CEP290: variants seen among roughly 807,000 people sequenced by gnomAD.
CEP290 encodes the protein centrosomal protein 290, also known as centrosomal protein of 290 kDa.
A neutral mutation model predicts 344.9 loss-of-function variants in CEP290; 317 were observed. The observed-to-expected ratio is 0.92, with a 90% confidence interval of 0.84 to 1.01. CEP290 has a LOEUF of 1.01. Among genes scored for constraint, CEP290 ranks in the 50% least tolerant of loss-of-function variants. The pLI is 0.00. For synonymous variants in CEP290, 932 were observed against 895.8 expected, an observed-to-expected ratio of 1.04 and a Z score of -0.72; for missense variants, 2,754 against 2,761.4, an observed-to-expected ratio of 1.00 and a Z score of 0.06.
chr12:88,126,553 T>C (rs980055207), intron 11 of CEP290, 115 bp from the exon 12 acceptor site: 15 of 702,168 alleles, frequency 2.1e-5, no homozygotes, highest in African/African-American at 5.7e-5. Context: ...ATAAAAATTA[T>C]TTGAAATGAG....
At position 88,107,014 on chromosome 12, in the gene CEP290, T is replaced by C. The variant is rs775965379; in HGVS notation, c.2568A>G (p.Ile856Met). 18 of 1,550,274 alleles carry C rather than the reference T, an allele frequency of 1.2e-5. No homozygotes were observed. Among genetic ancestry groups the C allele is most frequent in the Non-Finnish European group, 1.6e-5 (18 of 1,147,786 alleles). The change falls in exon 24 of 54, where the codon ATA becomes ATG. Residue 856 changes from isoleucine (I) to methionine (M), a missense_variant. Ile to Met is a conservative substitution (Grantham distance 10, BLOSUM62 1). Coordinates refer to ENST00000552810, the MANE Select transcript of CEP290 (RefSeq NM_025114.4). ...KLEDQVQQDA[I>M]KVKEYNNLLN... ...TACTTACATTATATTCTTTTACTTT[T>C]ATAGCATCTTGTTGGACTTGATCCT...
intron 44 of CEP290, among the ~76,000 whole-genome samples, chr12:88,065,852 A>G (rs1464462192): frequency 6.6e-6 from 1 of 152,192 alleles, no homozygotes; most frequent in Non-Finnish European, 1.5e-5. Flanking sequence ...ATTCGTTGAG[A>G]TAGTCCAAAT....
In CEP290 at chr12:88,096,895, A is replaced by G. The variant is rs1189583063; in HGVS notation, c.3096T>C (p.Thr1032=). Residue 1032 remains threonine, a synonymous_variant, in exon 27 of 54, where the codon ACT becomes ACC. Transcript: ENST00000552810. The part of the protein sequence containing the change: ...HTIEQAWEQE[T]KLGNESSMDK... ...CAGAGTCATAAAACTTACCTAATTT[A>G]GTTTCCTGTTCCCAGGCTTGTTCAA... 1.3e-6 allele frequency: 2 copies of G among 1,509,226 alleles called. No individual in the cohort carries two copies. Among genetic ancestry groups the G allele is most frequent in the East Asian group, 2.3e-5 (1 of 42,912 alleles). The allele number at this position is 1,509,226 out of a possible 1,614,324, so 93.5% of individuals were successfully genotyped here.
At chr12:88,084,995 AAG>A (rs1290414305) in intron 34 of CEP290, 143 bp from the exon 35 acceptor site, 2 of 616,306 alleles carry the variant, frequency 3.2e-6, no homozygotes, top group Admixed American at 7.3e-5. Flanking sequence ...GATACTTAAT[AAG>A]GTTAAACTGA....
At position 88,084,782 on chromosome 12, in the gene CEP290, T is replaced by C; in HGVS notation, c.4508A>G (p.Asn1503Ser). 2 of 1,613,276 alleles carry C rather than the reference T, an allele frequency of 1.2e-6. No individual in the cohort carries two copies. The highest frequency in any genetic ancestry group is 1.7e-6 in the Non-Finnish European group (2 of 1,179,592). Residue 1503 changes from asparagine to serine, a missense_variant, in exon 35 of 54, where the codon AAT (asparagine) becomes AGT (serine). By Grantham distance (46) the Asn-to-Ser change is conservative. Transcript: ENST00000552810. ...GGCAGGCAATCGAAGCCTCAGTTCA[T>C]TGATTACTTTGTCTCTTGACAGTAT... is the stretch of plus-strand genomic sequence containing the variant. Reference protein sequence around the residue: ...QNILSRDKVINELRLRLPATA... With the variant: ...QNILSRDKVISELRLRLPATA...
chr12:88,094,203 A>T (rs1006916026), intron 27 of CEP290, among the ~76,000 whole-genome samples: 5 of 147,102 alleles, frequency 3.4e-5, no homozygotes, highest in African/African-American at 7.5e-5. Flanking sequence ...TCAAATGATT[A>T]AAAAAAAAAA....
chr12:88,079,213 AG>A lies in CEP290; in HGVS notation c.5242del (p.Leu1748PhefsTer2). On this transcript the variant is annotated frameshift_variant, in exon 39 of 54. Transcript: ENST00000552810. LOFTEE classifies it high-confidence loss of function. ...TGTCATTTCTGCCCGGAGTTCTAAA[AG>A]TGCCCGACTAAGTGCCTAAAAATTA... ...EKQQKALSRA[L>X]LELRAEMTAA... 1 of 1,590,728 alleles carries A rather than the reference AG, an allele frequency of 6.3e-7. No individual in the cohort carries two copies. The highest frequency in any genetic ancestry group is 8.5e-7 in the Non-Finnish European group (1 of 1,172,772).
intron 29 of CEP290, among the ~76,000 whole-genome samples, chr12:88,092,464 A>C (rs2037124238): frequency 6.6e-6 from 1 of 152,164 alleles, no homozygotes; most frequent in Non-Finnish European, 1.5e-5. Flanking sequence ...AAAAAATGCA[A>C]ATCTTGAGAG....
chr12:88,093,727 T>C lies in CEP290; in HGVS notation c.3309+43A>G, dbSNP rs570549921. 1.7e-5 allele frequency: 24 copies of C among 1,429,228 alleles called. No homozygotes were observed. The African/African-American group carries it at 3.4e-4, about 20-fold the overall frequency. 88.5% of individuals were successfully genotyped at this position (1,429,228 alleles called of 1,614,324 possible). A position where few individuals can be genotyped will look rare whatever the true frequency, so the allele number is the denominator to read the frequency against. ...ATAATACAATGTCTACCAAAACTAA[T>C]TCTTTATTCTATAATTGTATGATAA... On this transcript the variant is annotated intron_variant, in intron 28 of 53. Transcript: ENST00000552810.
Position 88,084,703 on chromosome 12 carries a change from T to C in CEP290, c.4587A>G (p.Pro1529=), listed in dbSNP as rs773292508. 1 of 1,613,838 alleles carries C rather than the reference T, an allele frequency of 6.2e-7. No individual in the cohort carries two copies. Among genetic ancestry groups the C allele is most frequent in the South Asian group, 1.1e-5 (1 of 91,076 alleles). ...IAELGRKEME[P]KSHHTLKIAH... is the part of the protein sequence containing the mutation. Reference sequence around the variant, plus strand: ...CAATTTTCAATGTGTGGTGAGATTTTGGTTCCATCTCTTTTCTGCCTAGCT... The same window carrying C: ...CAATTTTCAATGTGTGGTGAGATTTCGGTTCCATCTCTTTTCTGCCTAGCT... Residue 1529 remains proline, a synonymous_variant, in exon 35 of 54, where the codon CCA becomes CCG. Coordinates refer to ENST00000552810, the MANE Select transcript of CEP290 (RefSeq NM_025114.4).
chr12:88,087,999 T>C lies in CEP290; in HGVS notation c.4030-55A>G, dbSNP rs969875939. On this transcript the variant is annotated intron_variant, in intron 31 of 53. Coordinates refer to ENST00000552810, the MANE Select transcript of CEP290 (RefSeq NM_025114.4). ...TAAATGCTATATTAACAAATAACAT[T>C]CCTCCATTGATGATAATGATTTTAA... is the stretch of plus-strand genomic sequence containing the variant. 5 of 669,838 alleles carry C rather than the reference T, an allele frequency of 7.5e-6. No individual in the cohort carries two copies. In the African/African-American group the frequency reaches 9.4e-5, roughly 13 times the overall value. The allele number at this position is 669,838 out of a possible 1,614,324, so 41.5% of individuals were successfully genotyped here. A position where few individuals can be genotyped will look rare whatever the true frequency, so the allele number is the denominator to read the frequency against.
chr12:88,061,098 G>C, intron 46 of CEP290, 104 bp from the exon 47 acceptor site: 1 of 789,870 alleles, frequency 1.3e-6, no homozygotes, highest in African/African-American at 1.8e-5. Flanking sequence ...CCTAATATTT[G>C]AAGTCAAAAC....
In CEP290 at chr12:88,057,022, T is replaced by A. The variant is rs565439892; in HGVS notation, c.6819-1305A>T. 1.2e-4 allele frequency among the ~76,000 whole-genome samples: 18 copies of A among 152,322 alleles called. No homozygotes were observed. The South Asian group carries it at 3.5e-3, about 30-fold the overall frequency. On this transcript the variant is annotated intron_variant, in intron 49 of 53. Transcript: ENST00000552810. ...CAAATGATTTACTGAAGGCTTATGGTATGCTCAGTGACCTGTATCGTTCTC... is the reference window on the plus strand; with the variant it reads ...CAAATGATTTACTGAAGGCTTATGGAATGCTCAGTGACCTGTATCGTTCTC...
rs1266043588 is a variant in CEP290, at chr12:88,059,027, T to C, written c.6646-7A>G. On this transcript the variant is annotated splice_polypyrimidine_tract_variant and splice_region_variant and intron_variant, in intron 48 of 53. Coordinates refer to ENST00000552810, the MANE Select transcript of CEP290 (RefSeq NM_025114.4). ...TCTCTGCAGCATCAGTTTCCTATCATTAAATGCTAATTAGTATTTTATGAG... is the reference window on the plus strand; with the variant it reads ...TCTCTGCAGCATCAGTTTCCTATCACTAAATGCTAATTAGTATTTTATGAG... The C allele has an allele frequency of 3.1e-6, 5 of 1,599,470 alleles. No homozygotes were observed. Among genetic ancestry groups the C allele is most frequent in the African/African-American group, 1.3e-5 (1 of 74,382 alleles).
intron 53 of CEP290, 152 bp downstream of exon 53, chr12:88,050,202 T>G (rs2033358541): frequency 1.8e-6 from 1 of 547,006 alleles, no homozygotes. Flanking sequence ...ATGTTAGGAA[T>G]AGTCAGATGA....
At chr12:88,101,797 G>C (rs541624886) in intron 26 of CEP290, among the ~76,000 whole-genome samples, 135 of 152,250 alleles carry the variant, frequency 8.9e-4, no homozygotes, top group Admixed American at 2.3e-3. Flanking sequence ...GGATAGGACA[G>C]AGGACATGGA....
chr12:88,116,783 G>A (rs2039066272), intron 18 of CEP290, among the ~76,000 whole-genome samples: 2 of 151,808 alleles, frequency 1.3e-5, no homozygotes, highest in South Asian at 4.2e-4. Context: ...GACCATCCCG[G>A]CTAAAACGGT....
At position 88,071,944 on chromosome 12, in the gene CEP290, G is replaced by C. The variant is rs751852207; in HGVS notation, c.5710-18C>G. ...TTAGCATTCTGTAACAATAACGAAGGAGGTAGGAAAATTACCAGTGTTATT... is the reference window on the plus strand; with the variant it reads ...TTAGCATTCTGTAACAATAACGAAGCAGGTAGGAAAATTACCAGTGTTATT... On this transcript the variant is annotated intron_variant, in intron 41 of 53. Transcript: ENST00000552810. 1.9e-6 allele frequency: 3 copies of C among 1,551,262 alleles called. No homozygotes were observed. The highest frequency in any genetic ancestry group is 2.6e-6 in the Non-Finnish European group (3 of 1,155,610).
In CEP290 at chr12:88,126,418, A is replaced by C. The variant is rs774072453; in HGVS notation, c.963T>G (p.Asp321Glu). 4 of 1,509,278 alleles carry C rather than the reference A, an allele frequency of 2.7e-6. No individual in the cohort carries two copies. The East Asian group carries it at 7.9e-5, about 30-fold the overall frequency. The allele number at this position is 1,509,278 out of a possible 1,614,324, so 93.5% of individuals were successfully genotyped here. Residue 321 changes from aspartate to glutamate, a missense_variant, in exon 12 of 54, where the codon GAT (aspartate) becomes GAG (glutamate). Transcript: ENST00000552810. The part of the protein sequence containing the change: ...EEWKLILSSK[D>E]DEIIEYQQML... Reference sequence around the variant, plus strand: ...TTTGCTGATACTCAATAATTTCATCATCTTTAGAAGACAAAATTAGCTAGA... The same window carrying C: ...TTTGCTGATACTCAATAATTTCATCCTCTTTAGAAGACAAAATTAGCTAGA...
Sources: allele counts gnomAD v4.1 joint callset (sites outside exome capture counted in the v4.1 genomes callset), GRCh38; gene constraint gnomAD v4.1.1; transcripts MANE v1.5; gene names NCBI Gene and HGNC (gene_info 2026-07-23, HGNC 2026-07-21).